CTNNA2: variants seen among roughly 807,000 people sequenced by gnomAD.
CTNNA2 encodes catenin alpha 2.
CTNNA2 carries 42 observed loss-of-function variants against 101.0 expected under a neutral mutation model. That is an observed-to-expected ratio of 0.42 (90% CI 0.32 to 0.54). The LOEUF is 0.54. CTNNA2 is among the 20% of genes least tolerant of loss of function. The probability of loss-of-function intolerance (pLI) is 0.14; values close to 1 mark genes in which losing one functional copy is unlikely to be tolerated. For missense variants in CTNNA2, 871 were observed against 1,223.1 expected (o/e 0.71, Z 4.29); for synonymous variants, 450 against 456.4 (o/e 0.99, Z 0.18).
chr2:79,540,582 A>G (rs868387029), intron 1 of CTNNA2, among the ~76,000 whole-genome samples: 2 of 152,210 alleles, frequency 1.3e-5, no homozygotes, highest in Admixed American at 6.5e-5. Flanking sequence ...AAAGTGTGGC[A>G]TGAATGCCAC....
intron 7 of CTNNA2, among the ~76,000 whole-genome samples, chr2:79,931,731 G>A (rs1250801039): frequency 1.3e-5 from 2 of 152,018 alleles, no homozygotes; most frequent in African/African-American, 4.8e-5. Context: ...CTTTCAGTTG[G>A]TAGTACCCTA....
intron 7 of CTNNA2, among the ~76,000 whole-genome samples, chr2:80,351,012 A>G (rs1470349876): frequency 6.6e-6 from 1 of 152,204 alleles, no homozygotes; most frequent in African/African-American, 2.4e-5. Flanking sequence ...TGAAGAAAGC[A>G]AGTGAGTTTG....
intron 1 of CTNNA2, among the ~76,000 whole-genome samples, chr2:79,527,774 A>C (rs906448114): frequency 1.3e-5 from 2 of 152,184 alleles, no homozygotes; most frequent in Admixed American, 6.6e-5. Flanking sequence ...AAAAAGTTAA[A>C]TATAAAATTT....
chr2:79,329,382 G>A (rs2104416894), intron 3 of CTNNA2, among the ~76,000 whole-genome samples: 1 of 152,318 alleles, frequency 6.6e-6, no homozygotes, highest in South Asian at 2.1e-4. Flanking sequence ...AGGGAATGAT[G>A]TAGAATACAA....
intron 7 of CTNNA2, among the ~76,000 whole-genome samples, chr2:80,071,418 T>A (rs1050179234): frequency 3.3e-5 from 5 of 152,324 alleles, no homozygotes; most frequent in Admixed American, 3.3e-4. Context: ...GTAGATTTGG[T>A]TACCCATTCA....
chr2:79,543,149 A>G (rs1283819889), intron 1 of CTNNA2, among the ~76,000 whole-genome samples: 1 of 152,150 alleles, frequency 6.6e-6, no homozygotes, highest in African/African-American at 2.4e-5. Context: ...CAAGTACGAC[A>G]TTAGATCTTT....
At chr2:79,413,982 A>G (rs991694346) in intron 4 of CTNNA2, among the ~76,000 whole-genome samples, 1 of 143,064 alleles carries the variant, frequency 7.0e-6, no homozygotes, top group African/African-American at 2.6e-5. Flanking sequence ...TAAGCTTTTT[A>G]GTTTGATATA....
chr2:80,558,819 A>G (rs2149667457), intron 12 of CTNNA2, among the ~76,000 whole-genome samples: 1 of 152,108 alleles, frequency 6.6e-6, no homozygotes, highest in African/African-American at 2.4e-5. Context: ...TTGTTGCCAC[A>G]CCTACTAGGT....
At chr2:80,046,692 C>T (rs549056665) in intron 7 of CTNNA2, among the ~76,000 whole-genome samples, 74 of 152,300 alleles carry the variant, frequency 4.9e-4, no homozygotes, top group Middle Eastern at 3.4e-3. Context: ...TAGGATTTGT[C>T]CACCAAAGGA....
At chr2:79,458,428 G>A (rs532460986) in intron 4 of CTNNA2, among the ~76,000 whole-genome samples, 2 of 152,132 alleles carry the variant, frequency 1.3e-5, no homozygotes, top group Admixed American at 6.5e-5. Context: ...CTCTCTCCTG[G>A]GCAGTAGTTT....
intron 7 of CTNNA2, among the ~76,000 whole-genome samples, chr2:80,246,473 C>T (rs1019362375): frequency 6.6e-6 from 1 of 152,124 alleles, no homozygotes; most frequent in Non-Finnish European, 1.5e-5. Context: ...ATGAATTGGG[C>T]ATAACTTGAA....
upstream of CTNNA2, among the ~76,000 whole-genome samples, chr2:79,510,149 T>A (rs1393573378): frequency 1.3e-5 from 2 of 152,232 alleles, no homozygotes; most frequent in African/African-American, 4.8e-5. Context: ...CTTCTGCATT[T>A]GAACACAATG....
intron 2 of CTNNA2, among the ~76,000 whole-genome samples, chr2:79,731,217 G>A (rs1247723822): frequency 6.6e-6 from 1 of 152,020 alleles, no homozygotes; most frequent in Non-Finnish European, 1.5e-5. Context: ...AGCCAATGAA[G>A]TAAGAATAGA....
intron 7 of CTNNA2, among the ~76,000 whole-genome samples, chr2:80,026,446 T>G (rs1694931065): frequency 6.6e-6 from 1 of 152,190 alleles, no homozygotes; most frequent in African/African-American, 2.4e-5. Context: ...TTCAGTCTTG[T>G]GAAAATATGT....
intron 7 of CTNNA2, among the ~76,000 whole-genome samples, chr2:80,276,973 A>G (rs891473697): frequency 1.3e-5 from 2 of 152,200 alleles, no homozygotes; most frequent in Non-Finnish European, 2.9e-5. Context: ...ACACCTCTCT[A>G]GAGGGGACAG....
chr2:79,298,363 C>G (rs748345004), intron 2 of CTNNA2, among the ~76,000 whole-genome samples: 1 of 152,128 alleles, frequency 6.6e-6, no homozygotes, highest in South Asian at 2.1e-4. Context: ...GAATCAGACC[C>G]TTGACCCAAA....
chr2:79,508,285 G>T (rs1401561763), upstream of CTNNA2, among the ~76,000 whole-genome samples: 1 of 152,036 alleles, frequency 6.6e-6, no homozygotes, highest in Non-Finnish European at 1.5e-5. Flanking sequence ...AACTTAAATT[G>T]GACTTCAGTC....
intron 7 of CTNNA2, among the ~76,000 whole-genome samples, chr2:79,990,446 A>G (rs1692090913): frequency 6.6e-6 from 1 of 152,144 alleles, no homozygotes. Context: ...GCACTGATAC[A>G]CGGTGGCTAA....
At chr2:80,345,860 T>C (rs556747140) in intron 7 of CTNNA2, among the ~76,000 whole-genome samples, 1 of 152,318 alleles carries the variant, frequency 6.6e-6, no homozygotes, top group South Asian at 2.1e-4. Flanking sequence ...AGAACTCCTG[T>C]TTAATCATAC....
Sources: gnomAD v4.1 joint callset for allele counts (sites outside exome capture counted in the v4.1 genomes callset) on GRCh38, gnomAD v4.1.1 for gene constraint, MANE v1.5 for transcripts, NCBI Gene and HGNC (gene_info 2026-07-23, HGNC 2026-07-21) for gene names.